Variants in DLG2 observed in about 807,000 individuals in gnomAD.
The protein encoded by DLG2 is disks large homolog 2.
DLG2 carries 45 observed loss-of-function variants against 132.5 expected under a neutral mutation model. That is an observed-to-expected ratio of 0.34 (90% CI 0.27 to 0.44). DLG2 has a LOEUF of 0.44. Ranked by LOEUF, DLG2 falls within the 20% of genes least tolerant of loss-of-function variation. The pLI, the probability that DLG2 is intolerant of heterozygous loss-of-function variation, is 1.00. For synonymous variants in DLG2, 424 were observed against 419.6 expected, an observed-to-expected ratio of 1.01 and a Z score of -0.13; for missense variants, 1,045 against 1,196.9, an observed-to-expected ratio of 0.87 and a Z score of 1.87.
chr11:84,491,260 C>T (rs974182563), intron 7 of DLG2, among the ~76,000 whole-genome samples: 4 of 152,006 alleles, frequency 2.6e-5, no homozygotes, highest in East Asian at 1.9e-4. Flanking sequence ...AGGTCTTTCT[C>T]GTGCTGTTCT....
At chr11:84,522,122 C>A (rs2099303989) in intron 7 of DLG2, among the ~76,000 whole-genome samples, 1 of 151,398 alleles carries the variant, frequency 6.6e-6, no homozygotes, top group South Asian at 2.1e-4. Flanking sequence ...GAGCAGAGAT[C>A]ATGCCACTGC....
rs145564840 is a variant in DLG2, at chr11:85,209,731, T to C, written c.187-55080A>G. Among the ~76,000 whole-genome samples, 521 of 151,368 alleles carry C rather than the reference T, an allele frequency of 3.4e-3. 7 individuals carry two copies. The highest frequency in any genetic ancestry group is 6.8e-3 in the Middle Eastern group (2 of 292). Reference sequence around the variant, plus strand: ...CTGGGATTATAGGCATGAGCCACCATAACCAGCCTAGAAAGCAGTCTCTTC... The same window carrying C: ...CTGGGATTATAGGCATGAGCCACCACAACCAGCCTAGAAAGCAGTCTCTTC... On this transcript the variant is annotated intron_variant, in intron 4 of 27. Coordinates refer to ENST00000376104, the MANE Select transcript of DLG2 (RefSeq NM_001142699.3).
intron 14 of DLG2, among the ~76,000 whole-genome samples, chr11:83,958,418 G>C (rs57800120): frequency 1.3e-5 from 2 of 151,968 alleles, no homozygotes; most frequent in South Asian, 4.2e-4. Context: ...TGATGTGAGG[G>C]ACCAATAAGT....
At chr11:84,160,584 G>C (rs2095524838) in intron 9 of DLG2, among the ~76,000 whole-genome samples, 2 of 152,112 alleles carry the variant, frequency 1.3e-5, no homozygotes, top group South Asian at 2.1e-4. Context: ...TGAGGTAATA[G>C]TGGAAGGAAA....
chr11:84,307,270 C>T (rs768296307), intron 7 of DLG2, among the ~76,000 whole-genome samples: 9 of 152,102 alleles, frequency 5.9e-5, no homozygotes, highest in Non-Finnish European at 7.4e-5. Flanking sequence ...TATCGCACGT[C>T]GTCACTTATA....
At chr11:85,374,255 T>C (rs913331977) in intron 3 of DLG2, among the ~76,000 whole-genome samples, 2 of 152,068 alleles carry the variant, frequency 1.3e-5, no homozygotes, top group Admixed American at 1.3e-4. Flanking sequence ...TCACCTGTGG[T>C]GAACTGGGAG....
intron 3 of DLG2, among the ~76,000 whole-genome samples, chr11:85,482,085 G>A (rs1184393293): frequency 6.6e-6 from 1 of 151,980 alleles, no homozygotes; most frequent in Non-Finnish European, 1.5e-5. Context: ...CCAAGGCCAG[G>A]CCAGCCCCTG....
chr11:85,063,274 G>A (rs544931080), intron 6 of DLG2, among the ~76,000 whole-genome samples: 2 of 151,796 alleles, frequency 1.3e-5, no homozygotes, highest in Non-Finnish European at 2.9e-5. Flanking sequence ...TCTCTAATAA[G>A]TTCTTGCATA....
intron 18 of DLG2, among the ~76,000 whole-genome samples, chr11:83,758,161 A>G (rs2093730996): frequency 6.6e-6 from 1 of 152,186 alleles, no homozygotes; most frequent in Non-Finnish European, 1.5e-5. Context: ...AAGTCACTCT[A>G]TTACCCAACA....
intron 6 of DLG2, among the ~76,000 whole-genome samples, chr11:84,703,871 T>TATATAG (rs1336814548): frequency 8.3e-6 from 1 of 120,028 alleles, no homozygotes; most frequent in Non-Finnish European, 1.6e-5. Context: ...TATATATATA[T>TATATAG]ATATATATAT....
At chr11:85,393,878 G>A (rs552652518) in intron 3 of DLG2, among the ~76,000 whole-genome samples, 8 of 152,212 alleles carry the variant, frequency 5.3e-5, no homozygotes, top group African/African-American at 1.7e-4. Flanking sequence ...AGGCATAAAA[G>A]TGATACGATG....
rs187575068 is a variant in DLG2, at chr11:85,253,271, T to C, written c.186+31949A>G. On this transcript the variant is annotated intron_variant, in intron 4 of 27. Coordinates refer to ENST00000376104, the MANE Select transcript of DLG2 (RefSeq NM_001142699.3). ...CCCAGGTATTTATCCTAAGGAAAAA[T>C]CACATACATAGCAAAACAAAATTTT... 1.1e-4 allele frequency among the ~76,000 whole-genome samples: 16 copies of C among 152,218 alleles called. No individual in the cohort carries two copies. The East Asian group carries it at 2.9e-3, about 28-fold the overall frequency.
intron 9 of DLG2, among the ~76,000 whole-genome samples, chr11:84,145,335 G>A (rs1311350458): frequency 6.6e-6 from 1 of 152,108 alleles, no homozygotes; most frequent in Admixed American, 6.6e-5. Context: ...AAACATAGAT[G>A]GTATAGCCTA....
chr11:84,214,435 T>A (rs2096807800), intron 8 of DLG2, among the ~76,000 whole-genome samples: 3 of 151,538 alleles, frequency 2.0e-5, no homozygotes, highest in Admixed American at 2.0e-4. Context: ...CTATACATGT[T>A]TATATATGTA....
chr11:84,268,916 C>T (rs1439386513), intron 7 of DLG2, among the ~76,000 whole-genome samples: 1 of 152,098 alleles, frequency 6.6e-6, no homozygotes, highest in African/African-American at 2.4e-5. Flanking sequence ...ACTGCCAGTA[C>T]CTAGCCCAGG....
At chr11:84,885,317 C>T (rs746823041) in intron 6 of DLG2, among the ~76,000 whole-genome samples, 2 of 151,584 alleles carry the variant, frequency 1.3e-5, no homozygotes, top group Non-Finnish European at 3.0e-5. Context: ...CAAAGGTATG[C>T]ACATTAGGAA....
In DLG2 at chr11:84,440,535, C is replaced by G. The variant is rs12281152; in HGVS notation, c.519+94035G>C. Among the ~76,000 whole-genome samples, 680 of 152,272 alleles carry G rather than the reference C, an allele frequency of 4.5e-3. 6 individuals are homozygous for G. The highest frequency in any genetic ancestry group is 0.016 in the African/African-American group (647 of 41,560). On this transcript the variant is annotated intron_variant, in intron 7 of 27. Coordinates refer to ENST00000376104, the MANE Select transcript of DLG2 (RefSeq NM_001142699.3). ...CTGCTGTAAAGGTGGCAGCTTCCTA[C>G]AGTTAATCCTACTAGTCTCTAACCA...
intron 6 of DLG2, among the ~76,000 whole-genome samples, chr11:84,732,220 T>C (rs887834988): frequency 6.6e-6 from 1 of 152,134 alleles, no homozygotes; most frequent in Non-Finnish European, 1.5e-5. Context: ...TTTGAAGTTA[T>C]ATAGCTGCTA....
rs575686259 is a variant in DLG2, at chr11:83,799,859, A to G, written c.1723-13067T>C. Among the ~76,000 whole-genome samples, 8 of 152,326 alleles carry G rather than the reference A, an allele frequency of 5.3e-5. 1 individual carries two copies. Among genetic ancestry groups the G allele is most frequent in the African/African-American group, 1.7e-4 (7 of 41,576 alleles). On this transcript the variant is annotated intron_variant, in intron 17 of 27. Coordinates refer to ENST00000376104, the MANE Select transcript of DLG2 (RefSeq NM_001142699.3). ...AGAGAAGTGGCCAATGTTCAAAATCATTTTAGATTTCATATTCCTGTGGTC... is the reference window on the plus strand; with the variant it reads ...AGAGAAGTGGCCAATGTTCAAAATCGTTTTAGATTTCATATTCCTGTGGTC...
Sources: allele counts gnomAD v4.1 joint callset (sites outside exome capture counted in the v4.1 genomes callset), GRCh38; gene constraint gnomAD v4.1.1; transcripts MANE v1.5; gene names NCBI Gene and HGNC (gene_info 2026-07-23, HGNC 2026-07-21).